Variants in KIAA1671 observed in about 807,000 individuals in gnomAD.
KIAA1671 encodes the protein uncharacterized protein KIAA1671.
A neutral mutation model predicts 131.2 loss-of-function variants in KIAA1671; 52 were observed. The ratio of observed to expected loss-of-function variants is 0.40; its 90% CI spans 0.32 to 0.50. The LOEUF is 0.50. KIAA1671 is among the 20% of genes least tolerant of loss of function. The pLI is 0.73. For synonymous variants in KIAA1671, 1,003 were observed against 961.6 expected (o/e 1.04, Z -0.80); for missense variants, 2,360 against 2,364.2 (o/e 1.00, Z 0.04).
intron 6 of KIAA1671, chr22:25,061,360 T>G (rs1928151041): frequency 6.6e-6 from 1 of 152,238 alleles, no homozygotes; most frequent in Non-Finnish European, 1.5e-5. Context: ...TTGCACCCTA[T>G]CCTGTGAACT....
At chr22:25,036,364 G>A (rs1256078700) in intron 4 of KIAA1671, among the ~76,000 whole-genome samples, 1 of 152,024 alleles carries the variant, frequency 6.6e-6, no homozygotes, top group Non-Finnish European at 1.5e-5. Context: ...GCAGGCATGA[G>A]CTACCGTACC....
chr22:25,145,030 G>A (rs1932856435), intron 6 of KIAA1671, among the ~76,000 whole-genome samples: 1 of 152,168 alleles, frequency 6.6e-6, no homozygotes. Context: ...AATTCCCCTG[G>A]ACCATGCACA....
chr22:25,015,221 G>C (rs906653200), intron 1 of KIAA1671: 2 of 123,130 alleles, frequency 1.6e-5, no homozygotes, highest in African/African-American at 6.3e-5. Context: ...GCAAGACCTT[G>C]TCCCTTAAAA....
chr22:25,028,879 A>T lies in KIAA1671; in HGVS notation c.880A>T (p.Lys294Ter). 6.4e-7 allele frequency: 1 copy of T among 1,551,424 alleles called. No homozygotes were observed. The highest frequency in any genetic ancestry group is 8.7e-7 in the Non-Finnish European group (1 of 1,146,970). Residue 294 changes from lysine to a stop codon, truncating the protein, a stop_gained, in exon 3 of 13, where the codon AAA becomes TAA. Coordinates refer to ENST00000358431, the MANE Select transcript of KIAA1671 (RefSeq NM_001145206.2). LOFTEE classifies it high-confidence loss of function. ...SMDLTARFENKEALLRKVADE... is the reference protein window; with the variant it reads ...SMDLTARFEN ...GGACCTCACGGCCCGGTTTGAGAAC[A>T]AAGAGGCCTTGCTGAGGAAGGTGGC...
chr22:25,138,183 CTG>C (rs1470613310), intron 6 of KIAA1671, among the ~76,000 whole-genome samples: 1 of 152,100 alleles, frequency 6.6e-6, no homozygotes, highest in African/African-American at 2.4e-5. Flanking sequence ...TTGGCTGTGT[CTG>C]TGTTCCATGT....
chr22:24,982,059 G>A (rs1923262018), intron 1 of KIAA1671, among the ~76,000 whole-genome samples: 1 of 152,214 alleles, frequency 6.6e-6, no homozygotes, highest in Admixed American at 6.5e-5. Context: ...ACAAATGAGT[G>A]TAGAGTCCCC....
At chr22:25,180,591 C>T (rs1273238718) in intron 9 of KIAA1671, among the ~76,000 whole-genome samples, 3 of 152,086 alleles carry the variant, frequency 2.0e-5, no homozygotes, top group Non-Finnish European at 4.4e-5. Context: ...GAGCAGCTGA[C>T]CTGCCCACTC....
At chr22:25,025,351 T>C (rs1925888830) in intron 1 of KIAA1671, among the ~76,000 whole-genome samples, 1 of 152,100 alleles carries the variant, frequency 6.6e-6, no homozygotes, top group Non-Finnish European at 1.5e-5. Flanking sequence ...GTGAGTTGCA[T>C]GGTTGCAGGG....
intron 1 of KIAA1671, among the ~76,000 whole-genome samples, chr22:24,974,671 C>G (rs1434154389): frequency 6.9e-6 from 1 of 145,846 alleles, no homozygotes; most frequent in Non-Finnish European, 1.5e-5. Context: ...ATTCACTTAT[C>G]ATCCAGCTCA....
chr22:24,962,129 C>G (rs1390542411), intron 1 of KIAA1671, among the ~76,000 whole-genome samples: 1 of 152,190 alleles, frequency 6.6e-6, no homozygotes, highest in Non-Finnish European at 1.5e-5. Context: ...CTGGAGCTGG[C>G]TTACAATCCC....
intron 6 of KIAA1671, among the ~76,000 whole-genome samples, chr22:25,138,391 G>A (rs576746278): frequency 3.6e-4 from 55 of 152,320 alleles, no homozygotes; most frequent in African/African-American, 1.3e-3. Context: ...ACCAAGAGGG[G>A]TATATAATCC....
chr22:25,117,735 T>G (rs1287583922), intron 6 of KIAA1671, among the ~76,000 whole-genome samples: 1 of 152,028 alleles, frequency 6.6e-6, no homozygotes, highest in Non-Finnish European at 1.5e-5. Context: ...CCATCAGTAC[T>G]CTCTCCCTAC....
At chr22:25,139,313 G>C (rs1420422680) in intron 6 of KIAA1671, among the ~76,000 whole-genome samples, 3 of 152,336 alleles carry the variant, frequency 2.0e-5, no homozygotes, top group African/African-American at 7.2e-5. Context: ...TCTTGGCGAG[G>C]AGCCCTGAAT....
chr22:24,973,010 G>A (rs1442296119), intron 1 of KIAA1671, among the ~76,000 whole-genome samples: 2 of 152,180 alleles, frequency 1.3e-5, no homozygotes, highest in African/African-American at 4.8e-5. Context: ...CACGGGGAGA[G>A]TGTTGTAGGT....
At chr22:25,086,415 A>G (rs1929722352) in intron 6 of KIAA1671, among the ~76,000 whole-genome samples, 1 of 152,218 alleles carries the variant, frequency 6.6e-6, no homozygotes, top group Non-Finnish European at 1.5e-5. Flanking sequence ...ATAAATAAAT[A>G]TGTGTTGAGC....
chr22:25,143,091 C>T (rs1932829362), intron 6 of KIAA1671, among the ~76,000 whole-genome samples: 1 of 152,178 alleles, frequency 6.6e-6, no homozygotes, highest in Admixed American at 6.5e-5. Flanking sequence ...CCTTTTCCCA[C>T]GTCTATTTAC....
intron 6 of KIAA1671, among the ~76,000 whole-genome samples, chr22:25,146,209 G>T (rs1932875977): frequency 6.6e-6 from 1 of 152,204 alleles, no homozygotes; most frequent in African/African-American, 2.4e-5. Context: ...TATGGCCTCA[G>T]AGAGGTTTAT....
intron 6 of KIAA1671, among the ~76,000 whole-genome samples, chr22:25,151,677 C>T (rs1241816253): frequency 1.3e-5 from 2 of 151,868 alleles, no homozygotes; most frequent in South Asian, 2.1e-4. Context: ...GGGATCTTCC[C>T]GCCTTGGCCT....
At chr22:25,103,499 C>T (rs1038715749) in intron 6 of KIAA1671, among the ~76,000 whole-genome samples, 10 of 152,274 alleles carry the variant, frequency 6.6e-5, no homozygotes, top group African/African-American at 1.7e-4. Context: ...GCTGGGACTA[C>T]AGGCGCCTGC....
Sources: gnomAD v4.1 joint callset for allele counts (sites outside exome capture counted in the v4.1 genomes callset) on GRCh38, gnomAD v4.1.1 for gene constraint, MANE v1.5 for transcripts, NCBI Gene and HGNC (gene_info 2026-07-23, HGNC 2026-07-21) for gene names.